GLIPR1L2: variants seen among roughly 807,000 people sequenced by gnomAD.
The protein encoded by GLIPR1L2 is GLIPR1-like protein 2.
Under a neutral mutation model 28.4 loss-of-function variants are expected in GLIPR1L2, and 21 were observed. The observed-to-expected ratio is 0.74, with a 90% CI of 0.52 to 1.06. The LOEUF (loss-of-function observed/expected upper bound fraction) is 1.06. GLIPR1L2 is among the 50% of genes least tolerant of loss of function. The probability of loss-of-function intolerance (pLI) is 0.00; values close to 1 mark genes in which losing one functional copy is unlikely to be tolerated. For missense variants in GLIPR1L2, 476 were observed against 416.9 expected, an observed-to-expected ratio of 1.14 and a Z score of -1.23; for synonymous variants, 145 against 139.3, an observed-to-expected ratio of 1.04 and a Z score of -0.29.
chr12:75,401,185 A>G (rs1252275092), intron 1 of GLIPR1L2, among the ~76,000 whole-genome samples: 1 of 151,780 alleles, frequency 6.6e-6, no homozygotes, highest in East Asian at 1.9e-4. Flanking sequence ...ATATTTTAAA[A>G]TAAACTAAAT....
chr12:75,423,654 T>A (rs2046002536), intron 4 of GLIPR1L2: 2 of 188,250 alleles, frequency 1.1e-5, no homozygotes, highest in Admixed American at 1.3e-4. Context: ...CATGCCATGG[T>A]GGTTTGCTGC....
intron 1 of GLIPR1L2, among the ~76,000 whole-genome samples, chr12:75,400,359 T>C (rs2045727276): frequency 6.6e-6 from 1 of 152,168 alleles, no homozygotes; most frequent in Admixed American, 6.5e-5. Flanking sequence ...CCTGACCTCG[T>C]GATCCTCCCG....
chr12:75,419,448 G>T (rs1413177247), intron 3 of GLIPR1L2, among the ~76,000 whole-genome samples: 1 of 152,118 alleles, frequency 6.6e-6, no homozygotes, highest in Non-Finnish European at 1.5e-5. Context: ...TCTAGTAATG[G>T]AAAACCCAAG....
intron 3 of GLIPR1L2, among the ~76,000 whole-genome samples, chr12:75,421,483 C>T (rs2045975470): frequency 6.6e-6 from 1 of 152,092 alleles, no homozygotes; most frequent in Non-Finnish European, 1.5e-5. Context: ...TTCTAGAAGG[C>T]CTAACCAAGG....
At chr12:75,404,254 A>C (rs1055419565) in intron 1 of GLIPR1L2, among the ~76,000 whole-genome samples, 1 of 152,082 alleles carries the variant, frequency 6.6e-6, no homozygotes, top group Non-Finnish European at 1.5e-5. Context: ...ATATTTTCTT[A>C]CCTTGAGATC....
At chr12:75,428,583 A>G (rs1295007088) in intron 4 of GLIPR1L2, among the ~76,000 whole-genome samples, 1 of 152,202 alleles carries the variant, frequency 6.6e-6, no homozygotes, top group Non-Finnish European at 1.5e-5. Flanking sequence ...ATAAGTAACA[A>G]GGAGCCAAAT....
At chr12:75,408,205 C>T (rs898078262) in intron 1 of GLIPR1L2, among the ~76,000 whole-genome samples, 1 of 151,926 alleles carries the variant, frequency 6.6e-6, no homozygotes, top group African/African-American at 2.4e-5. Context: ...GAAACTTTAA[C>T]CTCTCTTTTC....
chr12:75,430,303 A>T (rs1184242317), intron 4 of GLIPR1L2, among the ~76,000 whole-genome samples: 2 of 152,210 alleles, frequency 1.3e-5, no homozygotes, highest in Non-Finnish European at 2.9e-5. Context: ...GCTTCTGAAA[A>T]TAAGAATTAA....
At chr12:75,391,417 G>C in intron 1 of GLIPR1L2, 67 bp downstream of exon 1, 1 of 1,602,118 alleles carries the variant, frequency 6.2e-7, no homozygotes, top group Non-Finnish European at 8.5e-7. Context: ...TGGATCTCGG[G>C]TAGTTGGGGC....
At chr12:75,404,527 G>A (rs1017950909) in intron 1 of GLIPR1L2, among the ~76,000 whole-genome samples, 3 of 151,264 alleles carry the variant, frequency 2.0e-5, no homozygotes, top group Non-Finnish European at 4.4e-5. Context: ...ATTCTACTTG[G>A]GTTTACTAAG....
chr12:75,411,519 A>G (rs959401109), intron 2 of GLIPR1L2, among the ~76,000 whole-genome samples: 1 of 151,490 alleles, frequency 6.6e-6, no homozygotes, highest in Admixed American at 6.6e-5. Context: ...TCTTTCTTCT[A>G]GAAAGTTACA....
chr12:75,400,916 T>TA (rs2045733749), intron 1 of GLIPR1L2, among the ~76,000 whole-genome samples: 4 of 105,540 alleles, frequency 3.8e-5, no homozygotes, highest in East Asian at 3.0e-4. Context: ...TGAGCATAAT[T>TA]TTATATATAT....
chr12:75,405,748 G>T (rs1012146992), intron 1 of GLIPR1L2, among the ~76,000 whole-genome samples: 1 of 151,852 alleles, frequency 6.6e-6, no homozygotes, highest in African/African-American at 2.4e-5. Context: ...TCACTCTTTC[G>T]GCCTTCAACA....
intron 4 of GLIPR1L2, among the ~76,000 whole-genome samples, chr12:75,429,725 C>T (rs942618819): frequency 1.4e-4 from 21 of 151,964 alleles, no homozygotes; most frequent in African/African-American, 5.1e-4. Flanking sequence ...GGACAGTTTC[C>T]CCCATGCTGT....
At chr12:75,415,272 G>A (rs2045912638) in intron 3 of GLIPR1L2, among the ~76,000 whole-genome samples, 1 of 152,054 alleles carries the variant, frequency 6.6e-6, no homozygotes, top group African/African-American at 2.4e-5. Context: ...TAAGCACAGA[G>A]TGACATGATC....
Position 75,431,301 on chromosome 12 carries a change from A to G in GLIPR1L2, c.*140A>G, listed in dbSNP as rs752396119. ...GCAAACCACCATTGGAATGTTTTTT[A>G]TTCCCTTCTCTCCTATACTTATTCA... On this transcript the variant is annotated 3_prime_UTR_variant, in exon 6 of 6. Transcript: ENST00000550916. 3 of 581,728 alleles carry G rather than the reference A, an allele frequency of 5.2e-6. No homozygotes were observed. The highest frequency in any genetic ancestry group is 3.0e-6 in the Non-Finnish European group (1 of 330,812). 36.0% of individuals were successfully genotyped at this position (581,728 alleles called of 1,614,324 possible).
chr12:75,394,454 A>G (rs1018643944), intron 1 of GLIPR1L2, among the ~76,000 whole-genome samples: 1 of 151,896 alleles, frequency 6.6e-6, no homozygotes, highest in African/African-American at 2.4e-5. Flanking sequence ...TTGCATGTGG[A>G]TATCCAGTTT....
intron 1 of GLIPR1L2, among the ~76,000 whole-genome samples, chr12:75,403,715 C>T (rs941863988): frequency 6.6e-6 from 1 of 152,060 alleles, no homozygotes; most frequent in Admixed American, 6.6e-5. Flanking sequence ...CTTCAGTTCC[C>T]TTGATATGTC....
intron 2 of GLIPR1L2, 75 bp from the exon 3 acceptor site, chr12:75,413,523 A>C: frequency 2.5e-6 from 2 of 793,050 alleles, no homozygotes; most frequent in Non-Finnish European, 4.1e-6. Context: ...TGTGAATGGA[A>C]TATATTATTG....
Sources: allele counts gnomAD v4.1 joint callset (sites outside exome capture counted in the v4.1 genomes callset), GRCh38; gene constraint gnomAD v4.1.1; transcripts MANE v1.5; gene names NCBI Gene and HGNC (gene_info 2026-07-23, HGNC 2026-07-21).